The following PRKAR2B variants were observed in gnomAD, a reference collection of about 807,000 sequenced individuals.
PRKAR2B encodes the protein protein kinase cAMP-dependent type II regulatory subunit beta.
PRKAR2B carries 14 observed loss-of-function variants against 49.9 expected under a neutral mutation model. The observed-to-expected ratio is 0.28, with a 90% CI of 0.19 to 0.44. PRKAR2B has a LOEUF of 0.44. Ranked by LOEUF, PRKAR2B falls within the 20% of genes least tolerant of loss-of-function variation. The pLI, the probability that PRKAR2B is intolerant of heterozygous loss-of-function variation, is 1.00. For synonymous variants in PRKAR2B, 196 were observed against 197.7 expected, an observed-to-expected ratio of 0.99 and a Z score of 0.07; for missense variants, 393 against 537.9, an observed-to-expected ratio of 0.73 and a Z score of 2.67.
At chr7:107,058,163 G>A (rs7806572) in intron 1 of PRKAR2B, among the ~76,000 whole-genome samples, 6,581 of 152,152 alleles carry the variant, frequency 0.043, 326 homozygotes, top group African/African-American at 0.12. Flanking sequence ...AGATGTGTGT[G>A]TACACAGTCT....
chr7:107,156,029 C>G (rs558182398), intron 8 of PRKAR2B, among the ~76,000 whole-genome samples: 1 of 152,260 alleles, frequency 6.6e-6, no homozygotes, highest in South Asian at 2.1e-4. Flanking sequence ...ACCGAATGTT[C>G]TCACTCATAA....
At chr7:107,075,455 A>G (rs1053132532) in intron 2 of PRKAR2B, among the ~76,000 whole-genome samples, 24 of 151,264 alleles carry the variant, frequency 1.6e-4, no homozygotes, top group Admixed American at 7.9e-4. Flanking sequence ...GCTGTAGTGC[A>G]GTGGCATGAT....
intron 6 of PRKAR2B, among the ~76,000 whole-genome samples, chr7:107,148,631 A>T (rs926952618): frequency 6.6e-6 from 1 of 152,212 alleles, no homozygotes; most frequent in African/African-American, 2.4e-5. Flanking sequence ...TTGACTAATT[A>T]TAATAACTCC....
chr7:107,144,441 A>T, intron 5 of PRKAR2B, among the ~76,000 whole-genome samples: 1 of 151,622 alleles, frequency 6.6e-6, no homozygotes, highest in East Asian at 1.9e-4. Context: ...TTGCTTCTTT[A>T]TTATTAATAA....
chr7:107,111,437 C>G (rs1013514097), intron 2 of PRKAR2B, among the ~76,000 whole-genome samples: 2 of 152,182 alleles, frequency 1.3e-5, no homozygotes, highest in Middle Eastern at 3.4e-3. Context: ...GTAGTCACAG[C>G]AGGCCTTGGG....
chr7:107,129,968 T>C, intron 4 of PRKAR2B, among the ~76,000 whole-genome samples: 1 of 152,192 alleles, frequency 6.6e-6, no homozygotes, highest in East Asian at 1.9e-4. Flanking sequence ...ACCTGTATCT[T>C]GTGCTGACCT....
At chr7:107,139,551 G>A (rs1329266002) in intron 4 of PRKAR2B, among the ~76,000 whole-genome samples, 2 of 152,162 alleles carry the variant, frequency 1.3e-5, no homozygotes, top group Non-Finnish European at 2.9e-5. Flanking sequence ...CATGCTGGCA[G>A]AACCAGATGT....
chr7:107,140,549 T>A (rs1237950630), intron 4 of PRKAR2B, among the ~76,000 whole-genome samples: 1 of 152,210 alleles, frequency 6.6e-6, no homozygotes, highest in African/African-American at 2.4e-5. Context: ...AAGATTATAT[T>A]TCACAAGGTA....
At chr7:107,070,117 A>C in intron 1 of PRKAR2B, 164 bp from the exon 2 acceptor site, 1 of 495,200 alleles carries the variant, frequency 2.0e-6, no homozygotes. Context: ...TTTGATTATT[A>C]ATGAATTTCA....
At chr7:107,078,264 A>G (rs1190010682) in intron 2 of PRKAR2B, 2 of 152,262 alleles carry the variant, frequency 1.3e-5, no homozygotes, top group African/African-American at 2.4e-5. Flanking sequence ...AGAGCTTGAC[A>G]TGAAGAGTTA....
intron 4 of PRKAR2B, among the ~76,000 whole-genome samples, chr7:107,139,784 C>T (rs1029212716): frequency 4.6e-5 from 7 of 152,200 alleles, no homozygotes; most frequent in Non-Finnish European, 1.0e-4. Flanking sequence ...GGGAGAGAAT[C>T]ACATGTGATC....
At chr7:107,058,591 T>C (rs1793960621) in intron 1 of PRKAR2B, among the ~76,000 whole-genome samples, 1 of 152,230 alleles carries the variant, frequency 6.6e-6, no homozygotes, top group South Asian at 2.1e-4. Context: ...TTTATTTGAC[T>C]GTTAACAGCA....
Position 107,076,413 on chromosome 7 carries a change from A to G in PRKAR2B, c.343+6097A>G, listed in dbSNP as rs758346656. Among the ~76,000 whole-genome samples the G allele has an allele frequency of 2.6e-5, 4 of 152,072 alleles. No homozygotes were observed. The East Asian group carries it at 5.8e-4, about 22-fold the overall frequency. On this transcript the variant is annotated intron_variant, in intron 2 of 10. Coordinates refer to ENST00000265717, the MANE Select transcript of PRKAR2B (RefSeq NM_002736.3). Reference sequence around the variant, plus strand: ...CATGACTCAGTTTTTCTTGCCTTTCATAAATTGACTCCCTGAAGTTTTTGA... The same window carrying G: ...CATGACTCAGTTTTTCTTGCCTTTCGTAAATTGACTCCCTGAAGTTTTTGA...
chr7:107,071,354 T>C (rs1331078980), intron 2 of PRKAR2B, among the ~76,000 whole-genome samples: 5 of 152,228 alleles, frequency 3.3e-5, no homozygotes, highest in Non-Finnish European at 7.3e-5. Flanking sequence ...TTTACTCTTG[T>C]TATGTAGTGA....
chr7:107,098,834 T>TA (rs1340129536), intron 2 of PRKAR2B, among the ~76,000 whole-genome samples: 1 of 152,164 alleles, frequency 6.6e-6, no homozygotes, highest in African/African-American at 2.4e-5. Context: ...GAACAGCAAA[T>TA]ATTGCAGAAC....
rs114883140 is a variant in PRKAR2B, at chr7:107,122,377, G to A, written c.396+373G>A. ...AGTTACTCTGAAACAAACAAATCACGGTAAAATCACATCCAGTGTGTCAGT... is the reference window on the plus strand; with the variant it reads ...AGTTACTCTGAAACAAACAAATCACAGTAAAATCACATCCAGTGTGTCAGT... On this transcript the variant is annotated intron_variant, in intron 3 of 10. Coordinates refer to ENST00000265717, the MANE Select transcript of PRKAR2B (RefSeq NM_002736.3). Among the ~76,000 whole-genome samples, 303 of 152,188 alleles carry A rather than the reference G, an allele frequency of 2.0e-3. 2 individuals are homozygous for A. Among genetic ancestry groups the A allele is most frequent in the African/African-American group, 6.9e-3 (288 of 41,540 alleles).
intron 2 of PRKAR2B, among the ~76,000 whole-genome samples, chr7:107,111,284 C>T (rs571601314): frequency 6.6e-6 from 1 of 152,320 alleles, no homozygotes; most frequent in East Asian, 1.9e-4. Flanking sequence ...ACTGTAGTCC[C>T]TGGCTTGCTG....
At chr7:107,093,809 G>C (rs921862042) in intron 2 of PRKAR2B, among the ~76,000 whole-genome samples, 1 of 152,040 alleles carries the variant, frequency 6.6e-6, no homozygotes, top group African/African-American at 2.4e-5. Context: ...ATGGATTCCA[G>C]CTTCATCCAT....
At chr7:107,109,648 G>A (rs1266869108) in intron 2 of PRKAR2B, among the ~76,000 whole-genome samples, 1 of 151,964 alleles carries the variant, frequency 6.6e-6, no homozygotes, top group Non-Finnish European at 1.5e-5. Context: ...AGAAAAATAA[G>A]AATATCATAA....
Sources: gnomAD v4.1 joint callset for allele counts (sites outside exome capture counted in the v4.1 genomes callset) on GRCh38, gnomAD v4.1.1 for gene constraint, MANE v1.5 for transcripts, NCBI Gene and HGNC (gene_info 2026-07-23, HGNC 2026-07-21) for gene names.